The following ANO1 variants were observed in gnomAD, a reference collection of about 807,000 sequenced individuals.
ANO1 encodes anoctamin-1.
Under a neutral mutation model 124.0 loss-of-function variants are expected in ANO1, and 59 were observed. The ratio of observed to expected loss-of-function variants is 0.48; its 90% CI spans 0.39 to 0.59. The LOEUF (loss-of-function observed/expected upper bound fraction) is 0.59. ANO1 is among the 20% of genes least tolerant of loss of function. ANO1 has a pLI of 0.00. For synonymous variants in ANO1, 529 were observed against 532.0 expected (o/e 0.99, Z 0.08); for missense variants, 1,059 against 1,328.0 (o/e 0.80, Z 3.15).
At chr11:70,067,974 T>C (rs904980684) in intron 1 of ANO1, among the ~76,000 whole-genome samples, 6 of 152,222 alleles carry the variant, frequency 3.9e-5, no homozygotes, top group African/African-American at 1.4e-4. Flanking sequence ...TGCCCTGGGC[T>C]CACAGCTTAA....
intron 1 of ANO1, among the ~76,000 whole-genome samples, chr11:69,992,092 G>C (rs1430916304): frequency 6.6e-6 from 1 of 152,204 alleles, no homozygotes; most frequent in African/African-American, 2.4e-5. Flanking sequence ...CCCTAGCCCA[G>C]GGCCTGGCCA....
At chr11:70,003,543 T>A (rs1554999635) in intron 1 of ANO1, among the ~76,000 whole-genome samples, 1 of 149,940 alleles carries the variant, frequency 6.7e-6, no homozygotes, top group Non-Finnish European at 1.5e-5. Context: ...ACCCTTTATG[T>A]CCAGTGCTTA....
the ANO1 span, among the ~76,000 whole-genome samples, chr11:69,976,423 C>T: frequency 1.5e-4 from 22 of 148,266 alleles, no homozygotes; most frequent in Admixed American, 1.1e-3. Context: ...AGGAGAATGG[C>T]GTGAACCCGG....
intron 25 of ANO1, among the ~76,000 whole-genome samples, 194 bp downstream of exon 25, chr11:70,185,889 A>G (rs1297241358): frequency 1.3e-5 from 2 of 152,192 alleles, no homozygotes; most frequent in Non-Finnish European, 2.9e-5. Flanking sequence ...ACAGGGCCCA[A>G]GACAACCTCA....
chr11:69,977,196 C>T, the ANO1 span, among the ~76,000 whole-genome samples: 1 of 152,178 alleles, frequency 6.6e-6, no homozygotes, highest in Non-Finnish European at 1.5e-5. Flanking sequence ...CCCAAGTTGT[C>T]ATACCAACCC....
upstream of ANO1, among the ~76,000 whole-genome samples, chr11:69,982,240 C>G (rs891440432): frequency 2.0e-5 from 3 of 152,192 alleles, no homozygotes; most frequent in Non-Finnish European, 4.4e-5. Flanking sequence ...TTGAGTATAG[C>G]CACCAGGGGC....
chr11:69,999,031 CAA>C (rs141040946), intron 1 of ANO1, among the ~76,000 whole-genome samples: 78,954 of 128,082 alleles, frequency 0.62, 23,654 homozygotes, highest in East Asian at 0.95. Flanking sequence ...GAGACTGTCT[CAA>C]AAAAAAAAAA....
At chr11:70,158,758 G>T (rs907139118) in intron 16 of ANO1, among the ~76,000 whole-genome samples, 1 of 152,242 alleles carries the variant, frequency 6.6e-6, no homozygotes, top group African/African-American at 2.4e-5. Context: ...TAAGAGGGAC[G>T]CTGGCCGACA....
the ANO1 span, among the ~76,000 whole-genome samples, chr11:69,970,816 G>C: frequency 6.6e-6 from 1 of 152,190 alleles, no homozygotes; most frequent in Non-Finnish European, 1.5e-5. Flanking sequence ...GACACCCTGT[G>C]TTCTCTCAGG....
At position 70,095,420 on chromosome 11, in the gene ANO1, AAGAAAGAAAAGAAAAG is replaced by A. The variant is rs1486820152; in HGVS notation, c.441+7338_441+7353del. 2.4e-3 allele frequency among the ~76,000 whole-genome samples: 63 copies of A among 26,134 alleles called. 3 individuals carry two copies. Among genetic ancestry groups the A allele is most frequent in the Non-Finnish European group, 6.3e-3 (48 of 7,668 alleles). 17.1% of individuals were successfully genotyped at this position (26,134 alleles called of 152,430 possible). A position where few individuals can be genotyped will look rare whatever the true frequency, so the allele number is the denominator to read the frequency against. On this transcript the variant is annotated intron_variant, in intron 2 of 25. Transcript: ENST00000355303. Reference sequence around the variant, plus strand: ...AAAGAAAGAAAGAAAGAAAGAAAGAAAGAAAGAAAAGAAAAGAAAGAAAGAGGGAAAGAAAATTCAT... The same window carrying A: ...AAAGAAAGAAAGAAAGAAAGAAAGAAAAAGAAAGAGGGAAAGAAAATTCAT...
chr11:70,107,206 T>G (rs781086010), intron 5 of ANO1, among the ~76,000 whole-genome samples: 8 of 151,806 alleles, frequency 5.3e-5, no homozygotes, highest in Non-Finnish European at 1.2e-4. Context: ...TCAGCAGGGA[T>G]GTATTGGGCA....
At chr11:70,105,105 G>C (rs536157107) in intron 4 of ANO1, among the ~76,000 whole-genome samples, 231 of 152,136 alleles carry the variant, frequency 1.5e-3, no homozygotes, top group African/African-American at 5.3e-3. Context: ...CTCTGCCCTG[G>C]GTCGACTCTG....
At chr11:69,990,398 G>A (rs1856131230) in intron 1 of ANO1, among the ~76,000 whole-genome samples, 2 of 152,136 alleles carry the variant, frequency 1.3e-5, no homozygotes, top group African/African-American at 2.4e-5. Context: ...TTCATCTATC[G>A]ACAGACATGG....
chr11:70,070,641 G>A (rs1334966095), intron 1 of ANO1, among the ~76,000 whole-genome samples: 2 of 152,194 alleles, frequency 1.3e-5, no homozygotes, highest in Admixed American at 6.5e-5. Flanking sequence ...ATGCCAATGC[G>A]CTCCAGCCTG....
At chr11:70,083,352 C>T (rs1175974742) in intron 1 of ANO1, among the ~76,000 whole-genome samples, 2 of 152,002 alleles carry the variant, frequency 1.3e-5, no homozygotes, top group African/African-American at 4.8e-5. Flanking sequence ...AAGCTGTGTG[C>T]CTGGGGTCAC....
In ANO1 at chr11:70,095,418, G is replaced by GAA. The variant is rs769406885; in HGVS notation, c.441+7336_441+7337dup. Among the ~76,000 whole-genome samples, 29 of 63,344 alleles carry GAA rather than the reference G, an allele frequency of 4.6e-4. 2 individuals are homozygous for GAA. The highest frequency in any genetic ancestry group is 1.5e-3 in the African/African-American group (29 of 18,756). The allele number at this position is 63,344 out of a possible 152,430, so 41.6% of individuals were successfully genotyped here. On this transcript the variant is annotated intron_variant, in intron 2 of 25. Coordinates refer to ENST00000355303, the MANE Select transcript of ANO1 (RefSeq NM_018043.7). Reference sequence around the variant, plus strand: ...AGAAAGAAAGAAAGAAAGAAAGAAAGAAAGAAAGAAAAGAAAAGAAAGAAA... The same window carrying GAA: ...AGAAAGAAAGAAAGAAAGAAAGAAAGAAAAAGAAAGAAAAGAAAAGAAAGAAA...
chr11:70,089,079 C>G (rs1258627543), intron 2 of ANO1, among the ~76,000 whole-genome samples: 1 of 152,218 alleles, frequency 6.6e-6, no homozygotes, highest in East Asian at 1.9e-4. Flanking sequence ...GCTGTGTGCT[C>G]TCTGGCTGTC....
intron 7 of ANO1, among the ~76,000 whole-genome samples, chr11:70,116,204 C>T (rs143906629): frequency 1.3e-5 from 2 of 152,270 alleles, no homozygotes; most frequent in African/African-American, 2.4e-5. Context: ...CCCTCTGTGT[C>T]GAGGGAAGAG....
chr11:70,035,520 C>CTCTATATATA (rs1555004283), intron 1 of ANO1, among the ~76,000 whole-genome samples: 2 of 147,698 alleles, frequency 1.4e-5, no homozygotes, highest in Non-Finnish European at 3.0e-5. Context: ...TAAGCTGTTG[C>CTCTATATATA]TATATATATA....
Sources: allele counts gnomAD v4.1 joint callset (sites outside exome capture counted in the v4.1 genomes callset), GRCh38; gene constraint gnomAD v4.1.1; transcripts MANE v1.5; gene names NCBI Gene and HGNC (gene_info 2026-07-23, HGNC 2026-07-21).